Variants in INPP5D observed in about 807,000 individuals in gnomAD.
INPP5D encodes inositol polyphosphate-5-phosphatase D.
A neutral mutation model predicts 122.9 loss-of-function variants in INPP5D; 33 were observed. That is an observed-to-expected ratio of 0.27 (90% CI 0.20 to 0.36). The LOEUF (loss-of-function observed/expected upper bound fraction) is 0.36, where lower values mean the gene tolerates loss of function less well. Among genes scored for constraint, INPP5D ranks in the 10% least tolerant of loss-of-function variants. The probability of loss-of-function intolerance (pLI) is 1.00; values close to 1 mark genes in which losing one functional copy is unlikely to be tolerated. For missense variants in INPP5D, 1,053 were observed against 1,412.7 expected, an observed-to-expected ratio of 0.75 and a Z score of 4.08; for synonymous variants, 584 against 576.2, an observed-to-expected ratio of 1.01 and a Z score of -0.19.
At chr2:233,060,883 C>A (rs1459426699) in intron 1 of INPP5D, among the ~76,000 whole-genome samples, 3 of 152,184 alleles carry the variant, frequency 2.0e-5, no homozygotes, top group African/African-American at 7.2e-5. Context: ...TCCTTGGAGT[C>A]TGGGGACCGA....
intron 2 of INPP5D, among the ~76,000 whole-genome samples, chr2:233,080,782 T>C (rs1034787935): frequency 6.6e-6 from 1 of 152,134 alleles, no homozygotes; most frequent in African/African-American, 2.4e-5. Context: ...CCTCCAGAAG[T>C]TGTCAAGAGG....
At chr2:233,101,987 G>T in intron 2 of INPP5D, among the ~76,000 whole-genome samples, 1 of 151,872 alleles carries the variant, frequency 6.6e-6, no homozygotes, top group Non-Finnish European at 1.5e-5. Flanking sequence ...CAGAGCAGGT[G>T]CTGCATGATG....
chr2:233,121,577 G>T (rs963087795), intron 2 of INPP5D, among the ~76,000 whole-genome samples: 1 of 150,912 alleles, frequency 6.6e-6, no homozygotes, highest in South Asian at 2.1e-4. Flanking sequence ...GTGCAGCGGC[G>T]CAATCTCGGC....
chr2:233,203,240 C>T (rs968140322), intron 25 of INPP5D, among the ~76,000 whole-genome samples: 1 of 152,008 alleles, frequency 6.6e-6, no homozygotes, highest in African/African-American at 2.4e-5. Flanking sequence ...TGGGTCGGAG[C>T]AGAATTGCTG....
intron 17 of INPP5D, among the ~76,000 whole-genome samples, chr2:233,172,411 G>A (rs562137048): frequency 6.6e-6 from 1 of 152,274 alleles, no homozygotes; most frequent in East Asian, 1.9e-4. Context: ...ATGAGGACGC[G>A]GCAGGGGCAT....
chr2:233,168,037 AGAAAAGAAAAT>A (rs1694394474), intron 13 of INPP5D, among the ~76,000 whole-genome samples: 1 of 93,370 alleles, frequency 1.1e-5, no homozygotes. Flanking sequence ...AAAGAAAGGA[AGAAAAGAAAAT>A]GATGGGAGCC....
At chr2:233,201,440 C>T (rs1397173726) in intron 25 of INPP5D, among the ~76,000 whole-genome samples, 3 of 152,190 alleles carry the variant, frequency 2.0e-5, no homozygotes, top group Non-Finnish European at 4.4e-5. Context: ...GGGCAAGGGG[C>T]CCCCAGGGTA....
chr2:233,169,356 G>T lies in INPP5D; in HGVS notation c.1607G>T (p.Gly536Val). The T allele has an allele frequency of 6.2e-7, 1 of 1,605,772 alleles. No individual in the cohort carries two copies. The highest frequency in any genetic ancestry group is 2.2e-5 in the East Asian group (1 of 44,756). The change falls in exon 14 of 27, where the codon GGG becomes GTG. Residue 536 changes from glycine (G) to valine (V), a missense_variant. Physicochemically the swap from Gly to Val is moderately radical, Grantham distance 109 (BLOSUM62 -3). Coordinates refer to ENST00000445964, the MANE Select transcript of INPP5D (RefSeq NM_001017915.3). ...VSFMFNGTSL[G>V]FVNSHLTSGS... ...TTCATGTTCAATGGAACCTCCTTAG[G>T]GTTCGTCAACAGCCACTTGACTTCA...
At chr2:233,096,899 G>A (rs1297151311) in intron 2 of INPP5D, among the ~76,000 whole-genome samples, 1 of 152,076 alleles carries the variant, frequency 6.6e-6, no homozygotes, top group Non-Finnish European at 1.5e-5. Context: ...AAAACCATTA[G>A]GTAGTCAAAT....
chr2:233,083,370 T>A (rs1691741013), intron 2 of INPP5D, among the ~76,000 whole-genome samples: 2 of 152,262 alleles, frequency 1.3e-5, no homozygotes, highest in South Asian at 4.1e-4. Flanking sequence ...GGGACCTGAG[T>A]ACGCTCTGGA....
Position 233,060,600 on chromosome 2 carries a change from C to T in INPP5D, c.122C>T (p.Ala41Val). The change falls in exon 1 of 27, where the codon GCG (alanine) becomes GTG (valine). Residue 41 changes from alanine to valine, a missense_variant. Coordinates refer to ENST00000445964, the MANE Select transcript of INPP5D (RefSeq NM_001017915.3). ...RASESISRAY[A>V]LCVLYRNCVY... ...AGCGAGTCCATCTCCCGGGCATACG[C>T]GCTCTGCGTGCTGTGAGTACAACCT... 1 of 1,613,982 alleles carries T rather than the reference C, an allele frequency of 6.2e-7. No homozygotes were observed. The highest frequency in any genetic ancestry group is 8.5e-7 in the Non-Finnish European group (1 of 1,179,856).
At position 233,147,512 on chromosome 2, in the gene INPP5D, C is replaced by A. The variant is rs1334953821; in HGVS notation, c.948C>A (p.Leu316=). The A allele has an allele frequency of 2.8e-6, 2 of 704,290 alleles. No homozygotes were observed. Among genetic ancestry groups the A allele is most frequent in the Non-Finnish European group, 2.6e-6 (1 of 385,000 alleles). The allele number at this position is 704,290 out of a possible 1,614,324, so 43.6% of individuals were successfully genotyped here. Residue 316 remains leucine, a synonymous_variant, in exon 9 of 27, where the codon CTC becomes CTA. Coordinates refer to ENST00000445964, the MANE Select transcript of INPP5D (RefSeq NM_001017915.3). ...TGGGGATTCCTCAGAAAATGCAGCT[C>A]AAAGTCGACGTTGAGTCTGGGAAAC... ...ESLGIPQKMQ[L]KVDVESGKLI...
chr2:233,160,955 C>G lies in INPP5D; in HGVS notation c.1138-769C>G, dbSNP rs1207719911. Among the ~76,000 whole-genome samples, 1 of 151,800 alleles carries G rather than the reference C, an allele frequency of 6.6e-6. No individual in the cohort carries two copies. The highest frequency in any genetic ancestry group is 2.4e-5 in the African/African-American group (1 of 41,298). ...AGGCCCAAATGTTTTATTAAAAATG[C>G]AATGATGCTATTCATATCATTTGTC... On this transcript the variant is annotated intron_variant, in intron 10 of 26. Coordinates refer to ENST00000445964, the MANE Select transcript of INPP5D (RefSeq NM_001017915.3). This position sits in a 1 kb window ranked among gnomAD's most constrained non-coding sequence, Gnocchi z 4.2.
At chr2:233,086,188 T>TCTTC (rs1179291257) in intron 2 of INPP5D, among the ~76,000 whole-genome samples, 5 of 145,800 alleles carry the variant, frequency 3.4e-5, no homozygotes, top group Non-Finnish European at 7.5e-5. Context: ...TTTCTTTCTT[T>TCTTC]CCTTTTTGAG....
At chr2:233,062,307 G>A (rs1017461316) in intron 1 of INPP5D, among the ~76,000 whole-genome samples, 15 of 152,208 alleles carry the variant, frequency 9.9e-5, no homozygotes, top group Admixed American at 8.5e-4. Context: ...GACATGGGGC[G>A]TGGGTCTCTC....
At chr2:233,099,899 T>C (rs893497763) in intron 2 of INPP5D, among the ~76,000 whole-genome samples, 1 of 152,106 alleles carries the variant, frequency 6.6e-6, no homozygotes, top group Non-Finnish European at 1.5e-5. Flanking sequence ...TGGGGAGGCC[T>C]TACAATCATG....
intron 18 of INPP5D, among the ~76,000 whole-genome samples, chr2:233,179,483 G>A (rs768323581): frequency 2.6e-5 from 4 of 152,222 alleles, no homozygotes; most frequent in Non-Finnish European, 5.9e-5. Flanking sequence ...CTGCTCGACA[G>A]TGGAGGCTTT....
intron 5 of INPP5D, chr2:233,131,119 C>A: frequency 1.0e-6 from 1 of 969,648 alleles, no homozygotes; most frequent in Non-Finnish European, 1.2e-6. Context: ...AGATGATTCA[C>A]CAAAACTTTA....
At chr2:233,124,746 G>A (rs1048740564) in intron 3 of INPP5D, among the ~76,000 whole-genome samples, 1 of 152,266 alleles carries the variant, frequency 6.6e-6, no homozygotes, top group Non-Finnish European at 1.5e-5. Context: ...CTGTCTGGAG[G>A]AAGATCCCGA....
Sources: gnomAD v4.1 joint callset for allele counts (sites outside exome capture counted in the v4.1 genomes callset) on GRCh38, gnomAD v4.1.1 for gene constraint, Gnocchi (gnomAD v3.1) non-coding constraint, MANE v1.5 for transcripts, NCBI Gene and HGNC (gene_info 2026-07-23, HGNC 2026-07-21) for gene names.